PRDM16: variants seen among roughly 807,000 people sequenced by gnomAD.
PRDM16 encodes the protein PR/SET domain 16, also known as histone-lysine N-methyltransferase PRDM16.
A neutral mutation model predicts 110.6 loss-of-function variants in PRDM16; 23 were observed. The observed-to-expected ratio is 0.21, with a 90% CI of 0.15 to 0.29. The LOEUF is 0.29. Ranked by LOEUF, PRDM16 falls within the 10% of genes least tolerant of loss-of-function variation. PRDM16 has a pLI of 1.00. For missense variants in PRDM16, 1,615 were observed against 1,794.3 expected, an observed-to-expected ratio of 0.90 and a Z score of 1.81; for synonymous variants, 799 against 781.8, an observed-to-expected ratio of 1.02 and a Z score of -0.37.
chr1:3,365,954 G>GCACACACACGCA (rs1557635606), intron 3 of PRDM16, among the ~76,000 whole-genome samples: 2 of 150,334 alleles, frequency 1.3e-5, no homozygotes, highest in African/African-American at 4.9e-5. Context: ...GCACACGCAT[G>GCACACACACGCA]CACACATGCA....
Position 3,265,846 on chromosome 1 carries a change from C to T in PRDM16, c.438+21709C>T, listed in dbSNP as rs1640274576. Among the ~76,000 whole-genome samples, 1 of 152,160 alleles carries T rather than the reference C, an allele frequency of 6.6e-6. No homozygotes were observed. Among genetic ancestry groups the T allele is most frequent in the Non-Finnish European group, 1.5e-5 (1 of 68,018 alleles). On this transcript the variant is annotated intron_variant, in intron 3 of 16. Coordinates refer to ENST00000270722, the MANE Select transcript of PRDM16 (RefSeq NM_022114.4). The surrounding 1 kb of genome is among the most constrained non-coding windows in gnomAD (Gnocchi z 4.5). Reference sequence around the variant, plus strand: ...TGCCTCAGTGGGTCGTGCCCAGGTCCTTCGCTCTCTATGATCCCTTTACGG... The same window carrying T: ...TGCCTCAGTGGGTCGTGCCCAGGTCTTTCGCTCTCTATGATCCCTTTACGG...
chr1:3,390,994 C>T lies in PRDM16; in HGVS notation c.574-5497C>T, dbSNP rs890420755. ...GGGATTACAGGGGCCTGCCACTATG[C>T]CTGGCTTATTTTGTATTTTTTAGTA... is the stretch of plus-strand genomic sequence containing the variant. On this transcript the variant is annotated intron_variant, in intron 4 of 16. Transcript: ENST00000270722. The surrounding 1 kb of genome is among the most constrained non-coding windows in gnomAD (Gnocchi z 5.0). Among the ~76,000 whole-genome samples the T allele has an allele frequency of 4.6e-5, 7 of 152,100 alleles. No homozygotes were observed. The highest frequency in any genetic ancestry group is 2.6e-4 in the Admixed American group (4 of 15,280).
At chr1:3,292,976 A>G (rs982426379) in intron 3 of PRDM16, among the ~76,000 whole-genome samples, 4 of 152,250 alleles carry the variant, frequency 2.6e-5, no homozygotes, top group East Asian at 1.9e-4. Context: ...CGCTCCGGGC[A>G]TGACCTCGGA....
chr1:3,385,271 T>C lies in PRDM16; in HGVS notation c.558T>C (p.Cys186=). The part of the protein sequence containing the change: ...CSCDDQNLTM[C]QISEQIYYKV... Reference sequence around the variant, plus strand: ...GCGATGACCAGAACCTCACCATGTGTCAGATCAGTGAGCAGGTAGGTCCGG... The same window carrying C: ...GCGATGACCAGAACCTCACCATGTGCCAGATCAGTGAGCAGGTAGGTCCGG... The change falls in exon 4 of 17, where the codon TGT becomes TGC. Residue 186 remains cysteine, a synonymous_variant. Transcript: ENST00000270722. 6.2e-7 allele frequency: 1 copy of C among 1,613,580 alleles called. No homozygotes were observed. Among genetic ancestry groups the C allele is most frequent in the Non-Finnish European group, 8.5e-7 (1 of 1,179,970 alleles).
intron 2 of PRDM16, among the ~76,000 whole-genome samples, chr1:3,226,260 G>A (rs2100875743): frequency 6.6e-6 from 1 of 152,358 alleles, no homozygotes; most frequent in Admixed American, 6.5e-5. Flanking sequence ...AAATTTGGGG[G>A]CATCTGAGAG....
At chr1:3,200,142 G>A (rs1022005356) in intron 2 of PRDM16, among the ~76,000 whole-genome samples, 4 of 152,214 alleles carry the variant, frequency 2.6e-5, no homozygotes, top group Non-Finnish European at 4.4e-5. Flanking sequence ...AACAATCCCC[G>A]TGATGACTGC....
At chr1:3,177,925 G>C (rs1355975430) in intron 1 of PRDM16, among the ~76,000 whole-genome samples, 1 of 152,212 alleles carries the variant, frequency 6.6e-6, no homozygotes, top group Non-Finnish European at 1.5e-5. Context: ...GCTGCCTCGT[G>C]CTGGGTCCTG....
chr1:3,088,677 AGGAT>A (rs1642206029), intron 1 of PRDM16, among the ~76,000 whole-genome samples: 1 of 151,468 alleles, frequency 6.6e-6, no homozygotes, highest in South Asian at 2.1e-4. Context: ...CGTGTTAGCC[AGGAT>A]GGTCTCTATC....
rs550021590 is a variant in PRDM16 at position 3,255,932 on chromosome 1, G to A, written c.438+11795G>A. ...CGCACCGACACCTGAAGCCAATCCC[G>A]TGGCCACACCAACAGTACAGGGTGG... On this transcript the variant is annotated intron_variant, in intron 3 of 16. Transcript: ENST00000270722. This position sits in a 1 kb window ranked among gnomAD's most constrained non-coding sequence, Gnocchi z 4.7. Among the ~76,000 whole-genome samples the A allele has an allele frequency of 3.3e-5, 5 of 152,200 alleles. No homozygotes were observed. Among genetic ancestry groups the A allele is most frequent in the South Asian group, 2.1e-4 (1 of 4,818 alleles).
At chr1:3,347,493 G>T (rs769530364) in intron 3 of PRDM16, among the ~76,000 whole-genome samples, 36 of 152,216 alleles carry the variant, frequency 2.4e-4, no homozygotes, top group Non-Finnish European at 4.8e-4. Flanking sequence ...CTGGTCCCAG[G>T]CAGGCTCTGT....
chr1:3,158,111 G>A (rs546092414), intron 1 of PRDM16, among the ~76,000 whole-genome samples: 2 of 152,268 alleles, frequency 1.3e-5, no homozygotes, highest in East Asian at 3.9e-4. Flanking sequence ...TTTCTGGTGT[G>A]GAATACCTGA....
At chr1:3,355,504 C>T (rs1412005061) in intron 3 of PRDM16, among the ~76,000 whole-genome samples, 4 of 152,194 alleles carry the variant, frequency 2.6e-5, no homozygotes, top group Non-Finnish European at 5.9e-5. Context: ...CTCAGGGGCT[C>T]TGCTGGTTGC....
At chr1:3,341,601 G>A (rs1473136727) in intron 3 of PRDM16, among the ~76,000 whole-genome samples, 3 of 152,222 alleles carry the variant, frequency 2.0e-5, no homozygotes, top group African/African-American at 7.2e-5. Flanking sequence ...CCTAACTTAC[G>A]ATCGCTCAAC....
intron 14 of PRDM16, among the ~76,000 whole-genome samples, chr1:3,428,162 G>A (rs1165506245): frequency 2.0e-5 from 3 of 150,304 alleles, no homozygotes; most frequent in Non-Finnish European, 4.5e-5. Flanking sequence ...GAGCTAGGGT[G>A]CAGCCCGGCC....
In PRDM16 at chr1:3,128,266, T is replaced by C. The variant is rs544480388; in HGVS notation, c.38-57859T>C. Among the ~76,000 whole-genome samples, 4 of 152,004 alleles carry C rather than the reference T, an allele frequency of 2.6e-5. No homozygotes were observed. The East Asian group carries it at 7.8e-4, about 30-fold the overall frequency. ...GTTTGACGGGGCCAAGAGGCAGCCG[T>C]GGGAATCTGCTGCTCACTTTCAACA... On this transcript the variant is annotated intron_variant, in intron 1 of 16. Coordinates refer to ENST00000270722, the MANE Select transcript of PRDM16 (RefSeq NM_022114.4).
At chr1:3,188,323 C>A (rs897462589) in intron 2 of PRDM16, among the ~76,000 whole-genome samples, 2 of 152,158 alleles carry the variant, frequency 1.3e-5, no homozygotes, top group Non-Finnish European at 2.9e-5. Flanking sequence ...CTTTGGATGA[C>A]CTTCAGGTGA....
chr1:3,355,420 C>T (rs1570124649), intron 3 of PRDM16, among the ~76,000 whole-genome samples: 1 of 152,150 alleles, frequency 6.6e-6, no homozygotes, highest in Non-Finnish European at 1.5e-5. Flanking sequence ...GCTTGGCCTC[C>T]ATTTTCCTGT....
intron 1 of PRDM16, among the ~76,000 whole-genome samples, chr1:3,134,133 C>T (rs895453201): frequency 1.8e-4 from 27 of 152,146 alleles, no homozygotes; most frequent in African/African-American, 6.5e-4. Flanking sequence ...GGCTCAGGAC[C>T]ACCTCTGGGC....
At position 3,240,221 on chromosome 1, in the gene PRDM16, G is replaced by A. The variant is rs184752836; in HGVS notation, c.388-3866G>A. On this transcript the variant is annotated intron_variant, in intron 2 of 16. Transcript: ENST00000270722. ...GGATTGCTGGAGTCCAGGAGTCCCA[G>A]CCTGGGCAACATAGTGAGACCCCAT... Among the ~76,000 whole-genome samples, 347 of 151,998 alleles carry A rather than the reference G, an allele frequency of 2.3e-3. 2 individuals are homozygous for A. The highest frequency in any genetic ancestry group is 7.9e-3 in the African/African-American group (326 of 41,472).
Sources: gnomAD v4.1 joint callset for allele counts (sites outside exome capture counted in the v4.1 genomes callset) on GRCh38, gnomAD v4.1.1 for gene constraint, Gnocchi (gnomAD v3.1) non-coding constraint, MANE v1.5 for transcripts, NCBI Gene and HGNC (gene_info 2026-07-23, HGNC 2026-07-21) for gene names.